TENM4: variants seen among roughly 807,000 people sequenced by gnomAD.
TENM4 encodes the protein teneurin-4.
TENM4 carries 82 observed loss-of-function variants against 243.3 expected under a neutral mutation model. The observed-to-expected ratio is 0.34, with a 90% confidence interval of 0.28 to 0.40. The LOEUF (loss-of-function observed/expected upper bound fraction) is 0.40, where lower values mean the gene tolerates loss of function less well. Ranked by LOEUF, TENM4 falls within the 10% of genes least tolerant of loss-of-function variation. The pLI is 1.00. For missense variants in TENM4, 3,138 were observed against 3,673.3 expected (o/e 0.85, Z 3.77); for synonymous variants, 1,412 against 1,456.3 (o/e 0.97, Z 0.69).
chr11:79,257,413 A>G (rs1307442775), intron 2 of TENM4, among the ~76,000 whole-genome samples: 2 of 152,184 alleles, frequency 1.3e-5, no homozygotes, highest in East Asian at 3.9e-4. Context: ...GACTGAATCT[A>G]GTGCCAGGAG....
intron 1 of TENM4, among the ~76,000 whole-genome samples, chr11:79,351,803 T>G (rs184084095): frequency 2.0e-5 from 3 of 152,222 alleles, no homozygotes; most frequent in African/African-American, 7.2e-5. Context: ...TTGTTTCTCC[T>G]CTGACATCCC....
intron 19 of TENM4, among the ~76,000 whole-genome samples, chr11:78,743,829 G>A (rs975500040): frequency 6.6e-6 from 1 of 152,164 alleles, no homozygotes; most frequent in Non-Finnish European, 1.5e-5. Flanking sequence ...ATTATTTTGT[G>A]TGTGTGTTAT....
intron 6 of TENM4, among the ~76,000 whole-genome samples, chr11:78,904,377 T>TAAAAAAAAAAAAAAAAAA (rs1333665292): frequency 1.9e-4 from 19 of 100,158 alleles, no homozygotes; most frequent in African/African-American, 9.1e-4. Flanking sequence ...AAAAAAAAAG[T>TAAAAAAAAAAAAAAAAAA]AAAACATAGA....
chr11:78,795,868 A>G (rs1857150928), intron 15 of TENM4, among the ~76,000 whole-genome samples: 1 of 152,160 alleles, frequency 6.6e-6, no homozygotes, highest in Admixed American at 6.5e-5. Context: ...AAGAAGGTAC[A>G]GCAAAGGAAC....
chr11:79,438,105 T>C lies in TENM4; in HGVS notation c.-321+2404A>G, dbSNP rs1590966980. On this transcript the variant is annotated intron_variant, in intron 1 of 33. Transcript: ENST00000278550. This position sits in a 1 kb window ranked among gnomAD's most constrained non-coding sequence, Gnocchi z 4.1. ...CGAGAGGTTTCAGGACGCTGGAATG[T>C]GGCAAAAACAAAACACTCCCCACCC... Among the ~76,000 whole-genome samples the C allele has an allele frequency of 6.6e-6, 1 of 151,912 alleles. No individual in the cohort carries two copies. The highest frequency in any genetic ancestry group is 2.4e-5 in the African/African-American group (1 of 41,350).
intron 1 of TENM4, among the ~76,000 whole-genome samples, chr11:79,320,523 T>C (rs490256): frequency 0.61 from 92,720 of 152,034 alleles, 28,691 homozygotes; most frequent in South Asian, 0.71. Flanking sequence ...CTATTGCTAT[T>C]CCACTTCTTG....
At chr11:78,865,623 C>A (rs1211171326) in intron 9 of TENM4, among the ~76,000 whole-genome samples, 4 of 152,068 alleles carry the variant, frequency 2.6e-5, no homozygotes, top group Non-Finnish European at 5.9e-5. Flanking sequence ...AAGACACACA[C>A]AAAAAAACTA....
In TENM4 at chr11:79,221,454, AG is replaced by A. The variant is rs200823594; in HGVS notation, c.-264-5546del. Reference sequence around the variant, plus strand: ...TCAAAGACCAATTTTCACATTAAAAAGGGGGAAAAAAAAACATCCACACCCA... The same window carrying A: ...TCAAAGACCAATTTTCACATTAAAAAGGGGAAAAAAAAACATCCACACCCA... On this transcript the variant is annotated intron_variant, in intron 2 of 33. Coordinates refer to ENST00000278550, the MANE Select transcript of TENM4 (RefSeq NM_001098816.3). Among the ~76,000 whole-genome samples the A allele has an allele frequency of 4.3e-3, 658 of 151,458 alleles. 2 individuals carry two copies. The highest frequency in any genetic ancestry group is 0.014 in the African/African-American group (574 of 41,330).
intron 6 of TENM4, among the ~76,000 whole-genome samples, chr11:79,055,773 T>C (rs1859927727): frequency 6.6e-6 from 1 of 152,166 alleles, no homozygotes. Flanking sequence ...AGTCACTCAA[T>C]TCCTAAGTAG....
intron 1 of TENM4, among the ~76,000 whole-genome samples, chr11:79,347,085 C>T (rs1857338151): frequency 1.3e-5 from 2 of 152,188 alleles, no homozygotes; most frequent in East Asian, 3.9e-4. Context: ...AGAAACTGTT[C>T]TTTCGCTTCC....
chr11:78,903,602 G>T, intron 6 of TENM4, 79 bp from the exon 7 acceptor site: 1 of 1,529,648 alleles, frequency 6.5e-7, no homozygotes. Context: ...GGAGGTCTGA[G>T]CAAGACCACA....
intron 4 of TENM4, among the ~76,000 whole-genome samples, chr11:79,123,043 G>C (rs1158119835): frequency 6.6e-6 from 1 of 152,168 alleles, no homozygotes; most frequent in African/African-American, 2.4e-5. Context: ...GATGCCAGTG[G>C]GGGCAGAAAA....
At chr11:78,764,148 G>A (rs1040916037) in intron 18 of TENM4, among the ~76,000 whole-genome samples, 14 of 152,222 alleles carry the variant, frequency 9.2e-5, no homozygotes, top group Admixed American at 2.0e-4. Flanking sequence ...ATTTTCCCTG[G>A]TGGCCAGCTT....
chr11:79,411,178 T>A (rs1183079952), intron 1 of TENM4, among the ~76,000 whole-genome samples: 1 of 152,178 alleles, frequency 6.6e-6, no homozygotes, highest in Non-Finnish European at 1.5e-5. Flanking sequence ...GCCTGACTCC[T>A]GAACCCTTGA....
At chr11:78,741,486 C>T (rs898394347) in intron 19 of TENM4, among the ~76,000 whole-genome samples, 3 of 152,108 alleles carry the variant, frequency 2.0e-5, no homozygotes, top group Non-Finnish European at 2.9e-5. Context: ...CGTGGAGACG[C>T]GATGGTCCTG....
chr11:79,019,310 G>A (rs1017407297), intron 6 of TENM4, among the ~76,000 whole-genome samples: 9 of 152,182 alleles, frequency 5.9e-5, no homozygotes, highest in Admixed American at 5.2e-4. Flanking sequence ...ACTAACCTGA[G>A]CATCCCACTA....
At chr11:79,162,684 C>A (rs1253447736) in intron 3 of TENM4, among the ~76,000 whole-genome samples, 3 of 152,156 alleles carry the variant, frequency 2.0e-5, no homozygotes, top group Non-Finnish European at 2.9e-5. Context: ...AGTCCTCCTC[C>A]ACATTCCCTG....
At position 78,852,778 on chromosome 11, in the gene TENM4, C is replaced by A. The variant is rs536780131; in HGVS notation, c.1681+1326G>T. ...GGGGTTTGTTTGTTTGAGACAGTGT[C>A]TCAGTCTGTCACCCAGGCTGGAGTG... On this transcript the variant is annotated intron_variant, in intron 12 of 33. Coordinates refer to ENST00000278550, the MANE Select transcript of TENM4 (RefSeq NM_001098816.3). Among the ~76,000 whole-genome samples the A allele has an allele frequency of 9.2e-5, 14 of 152,274 alleles. No homozygotes were observed. In the South Asian group the frequency reaches 2.9e-3, roughly 32 times the overall value.
intron 3 of TENM4, among the ~76,000 whole-genome samples, chr11:79,198,743 G>T (rs527985340): frequency 6.6e-6 from 1 of 152,330 alleles, no homozygotes; most frequent in East Asian, 1.9e-4. Context: ...CACTGAGCAG[G>T]ATGCTGGGGA....
Sources: gnomAD v4.1 joint callset for allele counts (sites outside exome capture counted in the v4.1 genomes callset) on GRCh38, gnomAD v4.1.1 for gene constraint, Gnocchi (gnomAD v3.1) non-coding constraint, MANE v1.5 for transcripts, NCBI Gene and HGNC (gene_info 2026-07-23, HGNC 2026-07-21) for gene names.